The following CCDC146 variants were observed in gnomAD, a reference collection of about 807,000 sequenced individuals.
The protein encoded by CCDC146 is coiled-coil domain-containing protein 146.
A neutral mutation model predicts 119.3 loss-of-function variants in CCDC146; 92 were observed. The ratio of observed to expected loss-of-function variants is 0.77; its 90% confidence interval spans 0.65 to 0.92. The LOEUF is 0.92. Among genes scored for constraint, CCDC146 ranks in the 40% least tolerant of loss-of-function variants. The pLI is 0.00. For synonymous variants in CCDC146, 372 were observed against 371.8 expected (o/e 1.00, Z -0.01); for missense variants, 1,000 against 1,103.0 (o/e 0.91, Z 1.32).
intron 2 of CCDC146, among the ~76,000 whole-genome samples, chr7:77,208,887 A>G (rs1792127397): frequency 6.6e-6 from 1 of 152,086 alleles, no homozygotes; most frequent in African/African-American, 2.4e-5. Flanking sequence ...TTTTTAAGAG[A>G]TGGGGTCTCA....
chr7:77,261,392 A>G (rs1317258426), intron 8 of CCDC146, among the ~76,000 whole-genome samples: 1 of 152,134 alleles, frequency 6.6e-6, no homozygotes, highest in Non-Finnish European at 1.5e-5. Flanking sequence ...CTGTCCCTGC[A>G]TTGGTTTGCT....
intron 1 of CCDC146, among the ~76,000 whole-genome samples, chr7:77,165,864 C>A (rs957853226): frequency 1.3e-5 from 2 of 152,116 alleles, no homozygotes; most frequent in Non-Finnish European, 2.9e-5. Context: ...TATTAGAATT[C>A]TTCAAAGAGT....
intron 1 of CCDC146, among the ~76,000 whole-genome samples, chr7:77,149,755 A>G (rs1462713584): frequency 1.3e-5 from 2 of 149,576 alleles, no homozygotes; most frequent in Admixed American, 6.6e-5. Context: ...ACAGAGCAAG[A>G]CTCTGTCTCA....
At chr7:77,222,890 G>A (rs1792431630) in intron 2 of CCDC146, among the ~76,000 whole-genome samples, 1 of 152,168 alleles carries the variant, frequency 6.6e-6, no homozygotes, top group Admixed American at 6.5e-5. Flanking sequence ...AATTCCTTCT[G>A]GTACCCAGGC....
At chr7:77,199,838 G>A (rs1584065917) in intron 2 of CCDC146, 1 of 1,575,472 alleles carries the variant, frequency 6.3e-7, no homozygotes, top group East Asian at 2.2e-5. Context: ...CAGGGCTGGA[G>A]CTGCTTTAAT....
At chr7:77,273,036 T>C (rs1201031115) in intron 9 of CCDC146, among the ~76,000 whole-genome samples, 1 of 152,224 alleles carries the variant, frequency 6.6e-6, no homozygotes, top group East Asian at 1.9e-4. Context: ...ATAACTATAA[T>C]TTGAATAGTC....
intron 9 of CCDC146, among the ~76,000 whole-genome samples, chr7:77,265,790 A>G (rs1441501244): frequency 2.0e-5 from 3 of 152,254 alleles, no homozygotes; most frequent in African/African-American, 4.8e-5. Context: ...AAATTCCACA[A>G]AGGCATCATC....
chr7:77,170,851 C>A (rs1390423033), intron 2 of CCDC146, among the ~76,000 whole-genome samples: 3 of 152,108 alleles, frequency 2.0e-5, no homozygotes, highest in African/African-American at 7.2e-5. Flanking sequence ...AAATACAAGT[C>A]AAAACCACAA....
At chr7:77,152,202 T>G (rs1358338904) in intron 1 of CCDC146, among the ~76,000 whole-genome samples, 1 of 152,238 alleles carries the variant, frequency 6.6e-6, no homozygotes, top group East Asian at 1.9e-4. Context: ...CAACTCTCTT[T>G]GTTCTCCAAA....
chr7:77,265,202 T>C (rs780154097), intron 9 of CCDC146, among the ~76,000 whole-genome samples: 1 of 152,342 alleles, frequency 6.6e-6, no homozygotes, highest in Admixed American at 6.5e-5. Context: ...GCAGTTATAA[T>C]GTCCATTCAA....
intron 2 of CCDC146, among the ~76,000 whole-genome samples, chr7:77,227,089 T>C (rs542910522): frequency 2.0e-5 from 3 of 152,318 alleles, no homozygotes; most frequent in African/African-American, 7.2e-5. Flanking sequence ...ATCTATGACT[T>C]TACCTTTTCC....
intron 6 of CCDC146, chr7:77,257,995 T>G (rs1793213357): frequency 6.6e-6 from 1 of 152,178 alleles, no homozygotes; most frequent in African/African-American, 2.4e-5. Context: ...AGACAACTAC[T>G]AATGGAGGGA....
rs180781933 is a variant in CCDC146 at position 77,250,908 on chromosome 7, G to A, written c.450-3598G>A. ...AGAGATTCCTTCCTCAGCCAAGTTC[G>A]TTCTGTTAGTAAGCCTATTAGAGGC... On this transcript the variant is annotated intron_variant, in intron 4 of 18. Transcript: ENST00000285871. Among the ~76,000 whole-genome samples, 312 of 141,236 alleles carry A rather than the reference G, an allele frequency of 2.2e-3. 2 individuals carry two copies. Among genetic ancestry groups the A allele is most frequent in the Non-Finnish European group, 2.7e-3 (180 of 66,234 alleles). 92.7% of individuals were successfully genotyped at this position (141,236 alleles called of 152,430 possible).
chr7:77,273,874 C>A, intron 10 of CCDC146, 85 bp downstream of exon 10: 4 of 783,054 alleles, frequency 5.1e-6, no homozygotes, highest in Admixed American at 2.1e-5. Context: ...AAAACCTTAT[C>A]AATAAGAGAG....
chr7:77,265,811 G>T (rs973360451), intron 9 of CCDC146, among the ~76,000 whole-genome samples: 2 of 152,236 alleles, frequency 1.3e-5, no homozygotes, highest in Non-Finnish European at 2.9e-5. Flanking sequence ...ACTTCCTGGT[G>T]AGCAGAAACA....
intron 2 of CCDC146, among the ~76,000 whole-genome samples, chr7:77,191,641 G>T (rs1267998116): frequency 6.6e-6 from 1 of 152,184 alleles, no homozygotes; most frequent in Non-Finnish European, 1.5e-5. Flanking sequence ...TGGCGCAGTG[G>T]CTCACGCCTG....
intron 1 of CCDC146, among the ~76,000 whole-genome samples, chr7:77,166,521 TA>T (rs1202124034): frequency 1.3e-5 from 2 of 151,382 alleles, no homozygotes; most frequent in Non-Finnish European, 2.9e-5. Context: ...TTTGATGATC[TA>T]GTAAATTAAT....
intron 9 of CCDC146, among the ~76,000 whole-genome samples, chr7:77,267,060 C>T (rs973989887): frequency 2.6e-4 from 39 of 149,066 alleles, no homozygotes; most frequent in Admixed American, 2.4e-3. Context: ...GGCACCGTGT[C>T]GGTTCACTGC....
intron 4 of CCDC146, among the ~76,000 whole-genome samples, chr7:77,245,438 G>T (rs1470302840): frequency 1.3e-5 from 2 of 152,274 alleles, no homozygotes; most frequent in Middle Eastern, 3.4e-3. Context: ...AAATTTTACA[G>T]CAAATACGTT....
Sources: gnomAD v4.1 joint callset for allele counts (sites outside exome capture counted in the v4.1 genomes callset) on GRCh38, gnomAD v4.1.1 for gene constraint, MANE v1.5 for transcripts, NCBI Gene and HGNC (gene_info 2026-07-23, HGNC 2026-07-21) for gene names.